EPB41L3: variants seen among roughly 807,000 people sequenced by gnomAD.
EPB41L3 encodes erythrocyte membrane protein band 4.1 like 3, also known as band 4.1-like protein 3.
A neutral mutation model predicts 127.1 loss-of-function variants in EPB41L3; 57 were observed. The observed-to-expected ratio is 0.45, with a 90% CI of 0.36 to 0.56. The LOEUF (loss-of-function observed/expected upper bound fraction) is 0.56, where lower values mean the gene tolerates loss of function less well. Among genes scored for constraint, EPB41L3 ranks in the 20% least tolerant of loss-of-function variants. EPB41L3 has a pLI of 0.00. For missense variants in EPB41L3, 1,273 were observed against 1,372.2 expected, an observed-to-expected ratio of 0.93 and a Z score of 1.14; for synonymous variants, 572 against 549.5, an observed-to-expected ratio of 1.04 and a Z score of -0.57.
chr18:5,444,435 A>C (rs986667543), intron 4 of EPB41L3, among the ~76,000 whole-genome samples: 1 of 152,206 alleles, frequency 6.6e-6, no homozygotes, highest in African/African-American at 2.4e-5. Flanking sequence ...TTATGGCACA[A>C]CACCAAAATG....
intron 1 of EPB41L3, among the ~76,000 whole-genome samples, chr18:5,626,975 G>A (rs1382942105): frequency 6.6e-6 from 1 of 152,148 alleles, no homozygotes; most frequent in Non-Finnish European, 1.5e-5. Flanking sequence ...TAGAAAAATG[G>A]TGGGTGTGTA....
chr18:5,418,449 G>A (rs1458991142), intron 12 of EPB41L3, among the ~76,000 whole-genome samples: 1 of 152,164 alleles, frequency 6.6e-6, no homozygotes, highest in African/African-American at 2.4e-5. Flanking sequence ...TTGGCATGGC[G>A]AGTTTATAAA....
intron 3 of EPB41L3, among the ~76,000 whole-genome samples, chr18:5,470,441 G>T (rs1382941504): frequency 6.6e-6 from 1 of 152,138 alleles, no homozygotes. Flanking sequence ...GATTAAAATT[G>T]TAAAGAAGAA....
At chr18:5,471,741 A>C (rs2086180907) in intron 3 of EPB41L3, among the ~76,000 whole-genome samples, 2 of 152,178 alleles carry the variant, frequency 1.3e-5, no homozygotes, top group South Asian at 4.1e-4. Context: ...AAGTGGCCAT[A>C]AAACACACTG....
intron 1 of EPB41L3, among the ~76,000 whole-genome samples, chr18:5,522,436 T>A (rs1219432096): frequency 6.6e-6 from 1 of 152,218 alleles, no homozygotes; most frequent in Admixed American, 6.5e-5. Flanking sequence ...CAAATCTATT[T>A]TTAAACTTCC....
intron 3 of EPB41L3, among the ~76,000 whole-genome samples, chr18:5,591,854 T>A (rs1019069516): frequency 1.3e-5 from 2 of 152,192 alleles, no homozygotes; most frequent in African/African-American, 4.8e-5. Flanking sequence ...ATTAAATAGA[T>A]ATGTGATGTA....
chr18:5,544,377 G>T (rs1384626916), upstream of EPB41L3: 1 of 958,186 alleles, frequency 1.0e-6, no homozygotes, highest in Non-Finnish European at 1.2e-6. Context: ...CTGACCTTCA[G>T]GTGAGTTATT....
intron 3 of EPB41L3, chr18:5,610,273 T>G: frequency 1.0e-6 from 1 of 985,396 alleles, no homozygotes; most frequent in Non-Finnish European, 1.2e-6. Context: ...TTAGACATTG[T>G]TCAACAACTG....
In EPB41L3 at chr18:5,395,249, C is replaced by T. The variant is rs140104598; in HGVS notation, c.3073-102G>A. 7.8e-3 allele frequency: 7,810 copies of T among 998,458 alleles called. 43 individuals carry two copies. Among genetic ancestry groups the T allele is most frequent in the Non-Finnish European group, 8.9e-3 (5,568 of 627,924 alleles). The allele number at this position is 998,458 out of a possible 1,614,324, so 61.8% of individuals were successfully genotyped here. A position where few individuals can be genotyped will look rare whatever the true frequency, so the allele number is the denominator to read the frequency against. The stretch of plus-strand genomic sequence containing the variant: ...GAAGATGCTGACATCATTCACTCTT[C>T]GAGAATTGAAATTAGAGTTCTATGG... On this transcript the variant is annotated intron_variant, in intron 20 of 22. Transcript: ENST00000341928.
At chr18:5,494,662 C>T (rs896276297) in intron 1 of EPB41L3, among the ~76,000 whole-genome samples, 2 of 129,708 alleles carry the variant, frequency 1.5e-5, no homozygotes, top group African/African-American at 5.6e-5. Flanking sequence ...CATCCACCCT[C>T]CCCCCACCCA....
At chr18:5,617,783 A>G (rs1435442191) in intron 1 of EPB41L3, among the ~76,000 whole-genome samples, 5 of 152,222 alleles carry the variant, frequency 3.3e-5, no homozygotes, top group Admixed American at 6.5e-5. Flanking sequence ...ATAAATTTGG[A>G]GCAAGGAGTA....
At chr18:5,527,877 A>G (rs761301460) in intron 1 of EPB41L3, among the ~76,000 whole-genome samples, 2 of 152,238 alleles carry the variant, frequency 1.3e-5, no homozygotes, top group Non-Finnish European at 2.9e-5. Context: ...CCAGTCTTCA[A>G]CTAATAAGAA....
At chr18:5,516,116 C>T (rs1019417137) in intron 1 of EPB41L3, among the ~76,000 whole-genome samples, 2 of 152,164 alleles carry the variant, frequency 1.3e-5, no homozygotes, top group Non-Finnish European at 2.9e-5. Context: ...CCGCAGATGC[C>T]CTTGATCCAA....
intron 9 of EPB41L3, among the ~76,000 whole-genome samples, chr18:5,426,619 A>C (rs1179639351): frequency 6.6e-6 from 1 of 152,086 alleles, no homozygotes; most frequent in African/African-American, 2.4e-5. Flanking sequence ...CCACTGATTC[A>C]TTTCTCTAGC....
At chr18:5,399,087 GGC>G in intron 16 of EPB41L3, 1 of 399,094 alleles carries the variant, frequency 2.5e-6, no homozygotes, top group Non-Finnish European at 4.4e-6. Flanking sequence ...TGTAGTGGAG[GGC>G]TGCTCCACTT....
intron 5 of EPB41L3, among the ~76,000 whole-genome samples, chr18:5,443,276 T>A (rs1963341): frequency 0.27 from 41,393 of 152,206 alleles, 5,902 homozygotes; most frequent in Middle Eastern, 0.37. Context: ...TCTGAATAGG[T>A]GAAAAATGTG....
intron 1 of EPB41L3, among the ~76,000 whole-genome samples, chr18:5,499,431 G>GT (rs2091517938): frequency 6.6e-6 from 1 of 151,722 alleles, no homozygotes; most frequent in African/African-American, 2.4e-5. Context: ...TTTACTCACT[G>GT]TAAGTCAAAT....
intron 1 of EPB41L3, chr18:5,540,494 T>A: frequency 1.0e-6 from 1 of 985,456 alleles, no homozygotes; most frequent in Non-Finnish European, 1.2e-6. Context: ...GGACAATGAC[T>A]TCACTGCTCC....
intron 16 of EPB41L3, among the ~76,000 whole-genome samples, chr18:5,401,246 A>T (rs1405014522): frequency 1.3e-5 from 2 of 152,148 alleles, no homozygotes; most frequent in African/African-American, 4.8e-5. Flanking sequence ...CTCAAAATTT[A>T]GTTTTTTCCA....
Sources: gnomAD v4.1 joint callset for allele counts (sites outside exome capture counted in the v4.1 genomes callset) on GRCh38, gnomAD v4.1.1 for gene constraint, MANE v1.5 for transcripts, NCBI Gene and HGNC (gene_info 2026-07-23, HGNC 2026-07-21) for gene names.